NOTCH4: variants seen among roughly 807,000 people sequenced by gnomAD.
NOTCH4 encodes notch receptor 4.
NOTCH4 carries 138 observed loss-of-function variants against 189.0 expected under a neutral mutation model. That is an observed-to-expected ratio of 0.73 (90% CI 0.64 to 0.84). The LOEUF is 0.84. Among genes scored for constraint, NOTCH4 ranks in the 40% least tolerant of loss-of-function variants. The pLI, the probability that NOTCH4 is intolerant of heterozygous loss-of-function variation, is 0.00. For synonymous variants in NOTCH4, 942 were observed against 1,032.8 expected, an observed-to-expected ratio of 0.91 and a Z score of 1.69; for missense variants, 2,286 against 2,605.4, an observed-to-expected ratio of 0.88 and a Z score of 2.67.
intron 26 of NOTCH4, among the ~76,000 whole-genome samples, chr6:32,197,982 C>T (rs187546130): frequency 3.3e-5 from 5 of 152,212 alleles, no homozygotes; most frequent in Non-Finnish European, 7.4e-5. Context: ...CCACCACGCC[C>T]GGCTAATTTT....
chr6:32,196,758 TG>T (rs1021093938), intron 28 of NOTCH4, among the ~76,000 whole-genome samples, 166 bp downstream of exon 28: 5 of 145,574 alleles, frequency 3.4e-5, no homozygotes, highest in African/African-American at 5.0e-5. Context: ...GGGTGGGAGT[TG>T]GGGGGGGAAA....
rs2071287 is a variant in NOTCH4, at chr6:32,202,656, C to T, written c.3232-57G>A. The T allele has an allele frequency of 0.48, 708,405 of 1,488,404 alleles. 171,857 individuals carry two copies. Among genetic ancestry groups the T allele is most frequent in the Middle Eastern group, 0.59 (2,338 of 3,974 alleles). 92.2% of individuals were successfully genotyped at this position (1,488,404 alleles called of 1,614,324 possible). A position where few individuals can be genotyped will look rare whatever the true frequency, so the allele number is the denominator to read the frequency against. Reference sequence around the variant, plus strand: ...AACTTGCATTATTCTTCCCGCTCTCCATCAAGCAAACTCTTGGGTTAAGAC... The same window carrying T: ...AACTTGCATTATTCTTCCCGCTCTCTATCAAGCAAACTCTTGGGTTAAGAC... On this transcript the variant is annotated intron_variant, in intron 20 of 29. Transcript: ENST00000375023. The surrounding 1 kb of genome is among the most constrained non-coding windows in gnomAD (Gnocchi z 5.7).
chr6:32,202,719 C>G lies in NOTCH4; in HGVS notation c.3232-120G>C. ...CCTAGATTCTCATATCTAAAAGGCG[C>G]CTCAGAGAGCATCAAGTTAATCATT... On this transcript the variant is annotated intron_variant, in intron 20 of 29. Transcript: ENST00000375023. The surrounding 1 kb of genome is among the most constrained non-coding windows in gnomAD (Gnocchi z 5.7). The G allele has an allele frequency of 1.2e-6, 1 of 846,940 alleles. No individual in the cohort carries two copies. The highest frequency in any genetic ancestry group is 1.8e-6 in the Non-Finnish European group (1 of 569,960). The allele number at this position is 846,940 out of a possible 1,614,324, so 52.5% of individuals were successfully genotyped here. A position where few individuals can be genotyped will look rare whatever the true frequency, so the allele number is the denominator to read the frequency against.
chr6:32,214,018 G>T (rs1268395627), intron 13 of NOTCH4, 92 bp downstream of exon 13: 1 of 1,480,298 alleles, frequency 6.8e-7, no homozygotes. Flanking sequence ...CTCCTTAGTG[G>T]TGACTGAGAC....
In NOTCH4 at chr6:32,203,691, C is replaced by T; in HGVS notation, c.3231+79G>A. Reference sequence around the variant, plus strand: ...TCCACATCAGTGCTCACCCACAGTCCCTTCTGGGATTCCAACTGAGGTATT... The same window carrying T: ...TCCACATCAGTGCTCACCCACAGTCTCTTCTGGGATTCCAACTGAGGTATT... On this transcript the variant is annotated intron_variant, in intron 20 of 29. Transcript: ENST00000375023. The T allele has an allele frequency of 1.4e-5, 15 of 1,038,296 alleles. No homozygotes were observed. In the South Asian group the frequency reaches 2.3e-4, roughly 16 times the overall value. 64.3% of individuals were successfully genotyped at this position (1,038,296 alleles called of 1,614,324 possible). A position where few individuals can be genotyped will look rare whatever the true frequency, so the allele number is the denominator to read the frequency against.
chr6:32,195,846 G>A lies in NOTCH4; in HGVS notation c.5603C>T (p.Ala1868Val), dbSNP rs773061884. Reference sequence around the variant, plus strand: ...ACAAGCTCCGCCCCCACGAGGGCCTGCTCCGGCTGACAGCGTCCGGCAGCG... The same window carrying A: ...ACAAGCTCCGCCCCCACGAGGGCCTACTCCGGCTGACAGCGTCCGGCAGCG... ...LPRCRTLSAG[A>V]GPRGGGACLQ... is the part of the protein sequence containing the mutation. The change falls in exon 30 of 30, where the codon GCA (alanine) becomes GTA (valine). Residue 1868 changes from alanine (A) to valine (V), a missense_variant. Around this residue, in one of 2 missense-constraint regions of NOTCH4, gnomAD observed 383 missense variants for 343.5 expected, o/e 1.11. Coordinates refer to ENST00000375023, the MANE Select transcript of NOTCH4 (RefSeq NM_004557.4). The surrounding 1 kb of genome is among the most constrained non-coding windows in gnomAD (Gnocchi z 5.4). 1.3e-6 allele frequency: 2 copies of A among 1,597,258 alleles called. No homozygotes were observed. Among genetic ancestry groups the A allele is most frequent in the Non-Finnish European group, 1.7e-6 (2 of 1,178,356 alleles).
At chr6:32,223,760 C>T in intron 1 of NOTCH4, 96 bp downstream of exon 1, 1 of 1,226,810 alleles carries the variant, frequency 8.2e-7, no homozygotes, top group African/African-American at 1.5e-5. Context: ...ATCCAGCATC[C>T]CTCACACGGC....
In NOTCH4 at chr6:32,201,376, C is replaced by G; in HGVS notation, c.3880G>C (p.Gly1294Arg). The G allele has an allele frequency of 6.3e-7, 1 of 1,593,410 alleles. No homozygotes were observed. Among genetic ancestry groups the G allele is most frequent in the Non-Finnish European group, 8.6e-7 (1 of 1,169,574 alleles). ...CRPEDGDPEW[G>R]PSLALLVVLS... Reference sequence around the variant, plus strand: ...ACCACCAGCAGGGCCAGGGAGGGCCCCCACTCTGGGTCCCCATCTTCAGGC... The same window carrying G: ...ACCACCAGCAGGGCCAGGGAGGGCCGCCACTCTGGGTCCCCATCTTCAGGC... Residue 1294 changes from glycine (G) to arginine (R), a missense_variant, in exon 22 of 30, where the codon GGG (glycine) becomes CGG (arginine). By Grantham distance (125) the Gly-to-Arg change is moderately radical. This residue lies in a region of NOTCH4 where 1,903 missense variants were observed against 2,261.9 expected (regional missense o/e 0.84). Coordinates refer to ENST00000375023, the MANE Select transcript of NOTCH4 (RefSeq NM_004557.4). The surrounding 1 kb of genome is among the most constrained non-coding windows in gnomAD (Gnocchi z 5.5).
In NOTCH4 at chr6:32,217,398, G is replaced by T; in HGVS notation, c.1625-132C>A. The T allele has an allele frequency of 1.6e-6, 1 of 631,152 alleles. No homozygotes were observed. The highest frequency in any genetic ancestry group is 2.8e-6 in the Non-Finnish European group (1 of 353,902). 39.1% of individuals were successfully genotyped at this position (631,152 alleles called of 1,614,324 possible). On this transcript the variant is annotated intron_variant, in intron 9 of 29. Transcript: ENST00000375023. The surrounding 1 kb of genome is among the most constrained non-coding windows in gnomAD (Gnocchi z 4.2). ...AAGACACCTGGGGCAGGTGAGCGTG[G>T]GGTGACAGGAGATGATGCAGAAAAG...
At chr6:32,214,501 T>C (rs1050583373) in intron 12 of NOTCH4, among the ~76,000 whole-genome samples, 46 of 129,966 alleles carry the variant, frequency 3.5e-4, no homozygotes, top group African/African-American at 1.3e-3. Flanking sequence ...ATATATATTC[T>C]TTCTGTAACT....
rs987411604 is a variant in NOTCH4, at chr6:32,196,098, T to C, written c.5351A>G (p.Gln1784Arg). 1.3e-6 allele frequency: 2 copies of C among 1,592,830 alleles called. No homozygotes were observed. The highest frequency in any genetic ancestry group is 1.7e-6 in the Non-Finnish European group (2 of 1,176,762). Residue 1784 changes from glutamine (Q) to arginine (R), a missense_variant, in exon 30 of 30, where the codon CAG becomes CGG. Coordinates refer to ENST00000375023, the MANE Select transcript of NOTCH4 (RefSeq NM_004557.4). Reference sequence around the variant, plus strand: ...GGCTGCCCCCAGCCCCAGCAGTAGCTGGGCTACTTCCACCGCTCCTTCCCG... The same window carrying C: ...GGCTGCCCCCAGCCCCAGCAGTAGCCGGGCTACTTCCACCGCTCCTTCCCG... The part of the protein sequence containing the change: ...AAREGAVEVA[Q>R]LLLGLGAARE...
Position 32,217,838 on chromosome 6 carries a change from T to C in NOTCH4, c.1624+157A>G, listed in dbSNP as rs1262290055. ...AAGTAAGCAAGGGAAGATTTGGGGA[T>C]GTAAGAGTAGAGATTTTGGGGAGCA... On this transcript the variant is annotated intron_variant, in intron 9 of 29. Coordinates refer to ENST00000375023, the MANE Select transcript of NOTCH4 (RefSeq NM_004557.4). This position sits in a 1 kb window ranked among gnomAD's most constrained non-coding sequence, Gnocchi z 4.2. 6.6e-6 allele frequency among the ~76,000 whole-genome samples: 1 copy of C among 152,048 alleles called. No homozygotes were observed. The highest frequency in any genetic ancestry group is 1.9e-4 in the East Asian group (1 of 5,198).
intron 7 of NOTCH4, 138 bp downstream of exon 7, chr6:32,219,991 C>T: frequency 9.6e-7 from 1 of 1,038,834 alleles, no homozygotes; most frequent in East Asian, 2.5e-5. Flanking sequence ...GTCATGTAGG[C>T]AAGAGATGCC....
chr6:32,207,752 G>A (rs1408350145), intron 18 of NOTCH4, among the ~76,000 whole-genome samples: 10 of 151,560 alleles, frequency 6.6e-5, no homozygotes, highest in African/African-American at 1.9e-4. Context: ...AATTCAGCCG[G>A]GCACGGTGGG....
Position 32,204,172 on chromosome 6 carries a change from T to C in NOTCH4, c.3083A>G (p.Asn1028Ser). The change falls in exon 19 of 30, where the codon AAT becomes AGT. Residue 1028 changes from asparagine to serine, a missense_variant. By Grantham distance (46) the Asn-to-Ser change is conservative. This residue lies in a region of NOTCH4 where 1,903 missense variants were observed against 2,261.9 expected (regional missense o/e 0.84). Coordinates refer to ENST00000375023, the MANE Select transcript of NOTCH4 (RefSeq NM_004557.4). ...AGGCAGACACTGGCAGTAGAAGGCA[T>C]TGGCCAGAGAGTGGCAGGCTGCAGT... Reference protein sequence around the residue: ...TGTAACHSLANAFYCQCLPGH... With the variant: ...TGTAACHSLASAFYCQCLPGH... 1 of 1,612,942 alleles carries C rather than the reference T, an allele frequency of 6.2e-7. No individual in the cohort carries two copies. The highest frequency in any genetic ancestry group is 1.1e-5 in the South Asian group (1 of 91,078).
rs1789489904 is a variant in NOTCH4 at position 32,217,507 on chromosome 6, G to A, written c.1625-241C>T. On this transcript the variant is annotated intron_variant, in intron 9 of 29. Coordinates refer to ENST00000375023, the MANE Select transcript of NOTCH4 (RefSeq NM_004557.4). This position sits in a 1 kb window ranked among gnomAD's most constrained non-coding sequence, Gnocchi z 4.2. ...CCCCAGTTTCCTGTTCTGTGTAAAAGGGGAATAATAATGGAACCTACCTCA... is the reference window on the plus strand; with the variant it reads ...CCCCAGTTTCCTGTTCTGTGTAAAAAGGGAATAATAATGGAACCTACCTCA... Among the ~76,000 whole-genome samples, 1 of 152,162 alleles carries A rather than the reference G, an allele frequency of 6.6e-6. No homozygotes were observed. Among genetic ancestry groups the A allele is most frequent in the Non-Finnish European group, 1.5e-5 (1 of 68,030 alleles).
chr6:32,208,255 C>T (rs538741536), intron 18 of NOTCH4, among the ~76,000 whole-genome samples: 2 of 152,204 alleles, frequency 1.3e-5, no homozygotes, highest in South Asian at 4.1e-4. Context: ...AGGAACTCAA[C>T]AGCAAACACC....
chr6:32,200,134 G>A lies in NOTCH4; in HGVS notation c.4315+697C>T, dbSNP rs146803233. On this transcript the variant is annotated intron_variant, in intron 23 of 29. Transcript: ENST00000375023. The surrounding 1 kb of genome is among the most constrained non-coding windows in gnomAD (Gnocchi z 5.0). ...CTCAACCAGCAGTACGTGCCTCATG[G>A]GGTTGTGGGGGAGGATTAAATGAGG... 1.2e-4 allele frequency among the ~76,000 whole-genome samples: 19 copies of A among 152,258 alleles called. No homozygotes were observed. The East Asian group carries it at 3.5e-3, about 28-fold the overall frequency.
rs536683907 is a variant in NOTCH4, at chr6:32,210,975, G to T, written c.2681-39C>A. 10 of 1,526,036 alleles carry T rather than the reference G, an allele frequency of 6.6e-6. No individual in the cohort carries two copies. The highest frequency in any genetic ancestry group is 5.5e-5 in the African/African-American group (4 of 72,196). 94.5% of individuals were successfully genotyped at this position (1,526,036 alleles called of 1,614,324 possible). On this transcript the variant is annotated intron_variant, in intron 17 of 29. Coordinates refer to ENST00000375023, the MANE Select transcript of NOTCH4 (RefSeq NM_004557.4). This position sits in a 1 kb window ranked among gnomAD's most constrained non-coding sequence, Gnocchi z 4.8. Reference sequence around the variant, plus strand: ...CAAACAGGGATATACAAAGATAAGTGGGGGGCCGGGCGCCATGGCTTACGC... The same window carrying T: ...CAAACAGGGATATACAAAGATAAGTTGGGGGCCGGGCGCCATGGCTTACGC...
Sources: gnomAD v4.1 joint callset for allele counts (sites outside exome capture counted in the v4.1 genomes callset) on GRCh38, gnomAD v4.1.1 for gene constraint, gnomAD v4.1.1 regional missense constraint, Gnocchi (gnomAD v3.1) non-coding constraint, MANE v1.5 for transcripts, NCBI Gene and HGNC (gene_info 2026-07-23, HGNC 2026-07-21) for gene names.